The following VIPAS39 variants were observed in gnomAD, a reference collection of about 807,000 sequenced individuals.
The protein encoded by VIPAS39 is VPS33B interacting protein, apical-basolateral polarity regulator, spe-39 homolog.
Under a neutral mutation model 84.7 loss-of-function variants are expected in VIPAS39, and 63 were observed. The observed-to-expected ratio is 0.74, with a 90% CI of 0.61 to 0.92. The LOEUF is 0.92. Among genes scored for constraint, VIPAS39 ranks in the 40% least tolerant of loss-of-function variants. VIPAS39 has a pLI of 0.00. For missense variants in VIPAS39, 499 were observed against 604.5 expected, an observed-to-expected ratio of 0.83 and a Z score of 1.83; for synonymous variants, 192 against 216.5, an observed-to-expected ratio of 0.89 and a Z score of 0.99.
At chr14:77,433,666 G>A (rs1015836239) in intron 16 of VIPAS39, among the ~76,000 whole-genome samples, 176 bp downstream of exon 16, 3 of 152,136 alleles carry the variant, frequency 2.0e-5, no homozygotes, top group Admixed American at 2.0e-4. Flanking sequence ...TACTATTATA[G>A]TATATATTTG....
Position 77,435,907 on chromosome 14 carries a change from T to C in VIPAS39, c.849A>G (p.Ser283=). 1 of 1,614,168 alleles carries C rather than the reference T, an allele frequency of 6.2e-7. No homozygotes were observed. The highest frequency in any genetic ancestry group is 8.5e-7 in the Non-Finnish European group (1 of 1,180,014). ...FLKTCVGLPF[S]AEDSAHIQDH... The stretch of plus-strand genomic sequence containing the variant: ...CCTGTATGTGTGCGGAATCTTCTGC[T>C]GAAAATGGCAAACTGGTAGAGTGCC... Residue 283 remains serine, a synonymous_variant, in exon 13 of 20, where the codon TCA becomes TCG. Coordinates refer to ENST00000557658, the MANE Select transcript of VIPAS39 (RefSeq NM_001193315.2).
intron 3 of VIPAS39, among the ~76,000 whole-genome samples, chr14:77,451,965 G>A (rs2078888543): frequency 6.6e-6 from 1 of 152,122 alleles, no homozygotes; most frequent in South Asian, 2.1e-4. Flanking sequence ...CATCCTATGT[G>A]AGTAATTCCA....
intron 11 of VIPAS39, 88 bp downstream of exon 11, chr14:77,440,978 A>G: frequency 6.4e-7 from 1 of 1,554,620 alleles, no homozygotes; most frequent in Non-Finnish European, 8.8e-7. Flanking sequence ...TCGGCCTCCC[A>G]AAGTGCTGGG....
intron 4 of VIPAS39, among the ~76,000 whole-genome samples, chr14:77,450,363 T>C (rs1283425980): frequency 6.6e-6 from 1 of 152,236 alleles, no homozygotes; most frequent in East Asian, 1.9e-4. Flanking sequence ...TGTTTATCCA[T>C]TCATCCATCA....
At chr14:77,439,298 TCAAAA>T (rs898886569) in intron 11 of VIPAS39, among the ~76,000 whole-genome samples, 1 of 151,968 alleles carries the variant, frequency 6.6e-6, no homozygotes. Flanking sequence ...CTAATGAAAA[TCAAAA>T]CAAAAAACTT....
chr14:77,448,915 T>A (rs1196276825), intron 6 of VIPAS39, among the ~76,000 whole-genome samples: 1 of 152,220 alleles, frequency 6.6e-6, no homozygotes, highest in Non-Finnish European at 1.5e-5. Flanking sequence ...GACATGTTCC[T>A]TTTCCGACCT....
chr14:77,457,549 G>T lies in VIPAS39; in HGVS notation c.-55C>A, dbSNP rs1302932682. 1 of 667,210 alleles carries T rather than the reference G, an allele frequency of 1.5e-6. No individual in the cohort carries two copies. Among genetic ancestry groups the T allele is most frequent in the Non-Finnish European group, 2.5e-6 (1 of 394,044 alleles). The allele number at this position is 667,210 out of a possible 1,614,324, so 41.3% of individuals were successfully genotyped here. A position where few individuals can be genotyped will look rare whatever the true frequency, so the allele number is the denominator to read the frequency against. ...ACAGCGCCAGCCTCCGCCGCCGCTG[G>T]ACCAGCCCTTCTATTCAGGCTGTGC... On this transcript the variant is annotated 5_prime_UTR_variant, in exon 1 of 20. Coordinates refer to ENST00000557658, the MANE Select transcript of VIPAS39 (RefSeq NM_001193315.2).
In VIPAS39 at chr14:77,443,114, C is replaced by G; in HGVS notation, c.631+5G>C. ...GACTGAAGATTTCCTGCAAGCCATT[C>G]TCACCTTTGCTCAGTGTCCTCTTCA... On this transcript the variant is annotated splice_donor_5th_base_variant and intron_variant, in intron 9 of 19. Coordinates refer to ENST00000557658, the MANE Select transcript of VIPAS39 (RefSeq NM_001193315.2). 1.2e-6 allele frequency: 2 copies of G among 1,614,236 alleles called. No individual in the cohort carries two copies. Among genetic ancestry groups the G allele is most frequent in the Non-Finnish European group, 1.7e-6 (2 of 1,180,044 alleles).
intron 19 of VIPAS39, among the ~76,000 whole-genome samples, chr14:77,427,871 T>G (rs545331200): frequency 1.3e-5 from 2 of 152,234 alleles, no homozygotes; most frequent in African/African-American, 4.8e-5. Context: ...TTTTGGTCAT[T>G]TGACCCTAAG....
chr14:77,436,819 A>G (rs1016910670), intron 12 of VIPAS39, among the ~76,000 whole-genome samples: 1 of 152,174 alleles, frequency 6.6e-6, no homozygotes, highest in Non-Finnish European at 1.5e-5. Flanking sequence ...GAAGGCCAAG[A>G]ATAGAAGCCA....
chr14:77,438,614 GCTTTAC>G (rs1343254293), intron 11 of VIPAS39, among the ~76,000 whole-genome samples: 1 of 152,166 alleles, frequency 6.6e-6, no homozygotes, highest in Non-Finnish European at 1.5e-5. Context: ...AGAGTACCAA[GCTTTAC>G]CTTTAAGTTT....
chr14:77,429,183 CA>C (rs1484139074), intron 17 of VIPAS39, 88 bp from the exon 18 acceptor site: 1 of 1,127,364 alleles, frequency 8.9e-7, no homozygotes, highest in African/African-American at 1.5e-5. Flanking sequence ...CTGAAGAAGG[CA>C]AAAGAGTTCA....
chr14:77,446,071 A>T (rs2139844453), intron 7 of VIPAS39, among the ~76,000 whole-genome samples: 1 of 152,240 alleles, frequency 6.6e-6, no homozygotes, highest in African/African-American at 2.4e-5. Context: ...AAAAAAAATA[A>T]AAGTTTTAAA....
At position 77,440,976 on chromosome 14, in the gene VIPAS39, C is replaced by T. The variant is rs565077639; in HGVS notation, c.762+90G>A. 2.2e-4 allele frequency: 344 copies of T among 1,548,650 alleles called. 2 individuals carry two copies. The Admixed American group carries it at 5.8e-3, about 26-fold the overall frequency. ...CAGGTGATCCACCCACCTCGGCCTC[C>T]CAAAGTGCTGGGATTACAGGCGTGA... is the stretch of plus-strand genomic sequence containing the variant. On this transcript the variant is annotated intron_variant, in intron 11 of 19. Coordinates refer to ENST00000557658, the MANE Select transcript of VIPAS39 (RefSeq NM_001193315.2).
chr14:77,457,421 A>AG, intron 1 of VIPAS39, 74 bp downstream of exon 1: 2 of 1,533,564 alleles, frequency 1.3e-6, no homozygotes, highest in South Asian at 1.2e-5. Flanking sequence ...CTCCTAGAAG[A>AG]GGGGAAAAGA....
chr14:77,431,880 CA>C (rs2078528825), intron 16 of VIPAS39, among the ~76,000 whole-genome samples: 1 of 151,956 alleles, frequency 6.6e-6, no homozygotes, highest in Admixed American at 6.6e-5. Context: ...CTGTAACTTA[CA>C]AAAATAATAA....
At position 77,429,028 on chromosome 14, in the gene VIPAS39, T is replaced by C; in HGVS notation, c.1334A>G (p.Lys445Arg). Residue 445 changes from lysine (K) to arginine (R), a missense_variant, in exon 18 of 20, where the codon AAG (lysine) becomes AGG (arginine). Lys to Arg is a conservative substitution (Grantham distance 26). Transcript: ENST00000557658. ...DTKLNLATKF[K>R]CHDVVIDTYR... The stretch of plus-strand genomic sequence containing the variant: ...CACATCAATGACGACATCATGGCAC[T>C]TGAACTTAGTGGCTAAGTTCAACTT... 6.2e-7 allele frequency: 1 copy of C among 1,613,986 alleles called. No homozygotes were observed.
intron 19 of VIPAS39, among the ~76,000 whole-genome samples, chr14:77,428,091 A>G (rs554659836): frequency 2.0e-5 from 3 of 152,280 alleles, no homozygotes; most frequent in Admixed American, 6.5e-5. Flanking sequence ...CATACTTTCA[A>G]TATTTAGTTT....
chr14:77,451,445 A>G, intron 3 of VIPAS39, 112 bp from the exon 4 acceptor site: 1 of 1,512,466 alleles, frequency 6.6e-7, no homozygotes, highest in South Asian at 1.1e-5. Flanking sequence ...CCCTTGGCCA[A>G]CTTGGGGCAG....
Sources: allele counts gnomAD v4.1 joint callset (sites outside exome capture counted in the v4.1 genomes callset), GRCh38; gene constraint gnomAD v4.1.1; transcripts MANE v1.5; gene names NCBI Gene and HGNC (gene_info 2026-07-23, HGNC 2026-07-21).